DOCK3: variants seen among roughly 807,000 people sequenced by gnomAD.
The protein encoded by DOCK3 is dedicator of cytokinesis 3, also known as dedicator of cytokinesis protein 3.
A neutral mutation model predicts 265.6 loss-of-function variants in DOCK3; 60 were observed. The observed-to-expected ratio is 0.23, with a 90% CI of 0.18 to 0.28. The LOEUF is 0.28. Ranked by LOEUF, DOCK3 falls within the 10% of genes least tolerant of loss-of-function variation. The pLI, the probability that DOCK3 is intolerant of heterozygous loss-of-function variation, is 1.00. For missense variants in DOCK3, 1,981 were observed against 2,594.3 expected, an observed-to-expected ratio of 0.76 and a Z score of 5.14; for synonymous variants, 881 against 938.0, an observed-to-expected ratio of 0.94 and a Z score of 1.11.
At chr3:51,250,542 C>T (rs1374184860) in intron 22 of DOCK3, among the ~76,000 whole-genome samples, 1 of 152,172 alleles carries the variant, frequency 6.6e-6, no homozygotes, top group Non-Finnish European at 1.5e-5. Context: ...TTGCTTGAAC[C>T]TGGGAGGCGG....
intron 3 of DOCK3, among the ~76,000 whole-genome samples, chr3:50,886,174 T>G (rs2048321341): frequency 7.4e-6 from 1 of 134,604 alleles, no homozygotes; most frequent in Non-Finnish European, 1.7e-5. Flanking sequence ...TTCAGAATAT[T>G]TTTTATTTTG....
intron 2 of DOCK3, among the ~76,000 whole-genome samples, chr3:50,822,364 T>G (rs1486134171): frequency 6.7e-6 from 1 of 150,326 alleles, no homozygotes; most frequent in Admixed American, 6.7e-5. Flanking sequence ...TTTTGTATCC[T>G]TAAACTTTGA....
chr3:51,067,919 T>C (rs1393662024), intron 6 of DOCK3, among the ~76,000 whole-genome samples: 2 of 152,230 alleles, frequency 1.3e-5, no homozygotes, highest in African/African-American at 4.8e-5. Context: ...CAGATGACTA[T>C]AACCATTGTT....
intron 5 of DOCK3, among the ~76,000 whole-genome samples, chr3:50,961,550 G>A (rs1189715626): frequency 6.6e-6 from 1 of 152,152 alleles, no homozygotes; most frequent in Non-Finnish European, 1.5e-5. Context: ...GAAATTCAAA[G>A]GCTCTGAGTG....
At chr3:50,797,912 C>T (rs948335696) in intron 2 of DOCK3, among the ~76,000 whole-genome samples, 2 of 151,878 alleles carry the variant, frequency 1.3e-5, no homozygotes, top group Admixed American at 6.6e-5. Context: ...AATCTAATGA[C>T]GAATTACAGA....
intron 5 of DOCK3, among the ~76,000 whole-genome samples, chr3:51,027,707 T>C (rs2079879494): frequency 6.6e-6 from 1 of 152,150 alleles, no homozygotes; most frequent in African/African-American, 2.4e-5. Flanking sequence ...TTCTTTGTCC[T>C]TTTTATTGTC....
At chr3:50,939,208 C>T (rs983535579) in intron 5 of DOCK3, among the ~76,000 whole-genome samples, 3 of 151,908 alleles carry the variant, frequency 2.0e-5, no homozygotes, top group African/African-American at 7.2e-5. Flanking sequence ...CATAAATTGT[C>T]AAAACTCACC....
At position 51,138,509 on chromosome 3, in the gene DOCK3, A is replaced by T. The variant is rs530908792; in HGVS notation, c.747-8040A>T. ...GTTGGCACTGTGAGAACTAAACTTA[A>T]GGGCTTCCTTTCATTATTGAGGAGA... On this transcript the variant is annotated intron_variant, in intron 9 of 52. Transcript: ENST00000266037. Among the ~76,000 whole-genome samples, 219 of 152,328 alleles carry T rather than the reference A, an allele frequency of 1.4e-3. 1 individual carries two copies. Among genetic ancestry groups the T allele is most frequent in the Non-Finnish European group, 2.7e-3 (184 of 68,032 alleles).
intron 1 of DOCK3, among the ~76,000 whole-genome samples, chr3:50,685,398 C>T (rs2034717219): frequency 6.6e-6 from 1 of 152,160 alleles, no homozygotes; most frequent in African/African-American, 2.4e-5. Context: ...GTAAAAGGTC[C>T]CCTACTACCA....
intron 12 of DOCK3, among the ~76,000 whole-genome samples, chr3:51,185,815 C>T (rs2087566915): frequency 2.0e-5 from 3 of 152,250 alleles, no homozygotes; most frequent in Non-Finnish European, 1.5e-5. Context: ...TTGCTTGCTG[C>T]ATACATGCAT....
chr3:50,770,565 C>T (rs1160005979), intron 1 of DOCK3, among the ~76,000 whole-genome samples: 1 of 151,874 alleles, frequency 6.6e-6, no homozygotes, highest in Non-Finnish European at 1.5e-5. Flanking sequence ...ACAGTGATGA[C>T]ATTCTTCACA....
intron 5 of DOCK3, among the ~76,000 whole-genome samples, chr3:51,026,719 T>G (rs2108918319): frequency 6.6e-6 from 1 of 152,294 alleles, no homozygotes; most frequent in South Asian, 2.1e-4. Flanking sequence ...TGGGATGCTG[T>G]GTGTTTACAG....
intron 12 of DOCK3, among the ~76,000 whole-genome samples, chr3:51,196,464 G>A (rs554262298): frequency 2.2e-4 from 34 of 152,138 alleles, no homozygotes; most frequent in Admixed American, 1.0e-3. Flanking sequence ...GACTTGAGGT[G>A]TTTTCATTTT....
At chr3:51,167,828 G>A (rs1434779359) in intron 12 of DOCK3, among the ~76,000 whole-genome samples, 1 of 152,008 alleles carries the variant, frequency 6.6e-6, no homozygotes, top group African/African-American at 2.4e-5. Flanking sequence ...TATTCTAACA[G>A]TTTTTTGATT....
At chr3:51,312,675 G>A (rs549504958) in intron 30 of DOCK3, 99 bp downstream of exon 30, 33 of 1,328,078 alleles carry the variant, frequency 2.5e-5, no homozygotes, top group Admixed American at 1.3e-4. Context: ...TCTCAGCTGG[G>A]TGGTTTCCCA....
chr3:51,309,004 G>A (rs1440910423), intron 27 of DOCK3, among the ~76,000 whole-genome samples: 3 of 151,440 alleles, frequency 2.0e-5, no homozygotes, highest in Non-Finnish European at 2.9e-5. Context: ...GGGCAGAGGC[G>A]CTCCCCACAT....
At chr3:50,757,569 T>C (rs901677369) in intron 1 of DOCK3, among the ~76,000 whole-genome samples, 7 of 152,162 alleles carry the variant, frequency 4.6e-5, no homozygotes, top group African/African-American at 1.4e-4. Context: ...TTCTCCATTT[T>C]GTAGGTTGTC....
chr3:50,851,084 C>A (rs573894482), intron 3 of DOCK3, among the ~76,000 whole-genome samples: 1 of 152,174 alleles, frequency 6.6e-6, no homozygotes, highest in Non-Finnish European at 1.5e-5. Flanking sequence ...GGGTGGCCAC[C>A]AAGCACTCAG....
chr3:51,380,927 C>G, intron 52 of DOCK3, 123 bp from the exon 53 acceptor site: 1 of 1,278,740 alleles, frequency 7.8e-7, no homozygotes. Context: ...GCTGAAGAAA[C>G]AAGAAACATG....
Sources: allele counts gnomAD v4.1 joint callset (sites outside exome capture counted in the v4.1 genomes callset), GRCh38; gene constraint gnomAD v4.1.1; transcripts MANE v1.5; gene names NCBI Gene and HGNC (gene_info 2026-07-23, HGNC 2026-07-21).